The following PRKCB variants were observed in gnomAD, a reference collection of about 807,000 sequenced individuals.
The protein encoded by PRKCB is protein kinase C beta type.
In PRKCB, 13 loss-of-function variants were observed where a neutral mutation model predicts 81.5. The observed-to-expected ratio is 0.16, with a 90% CI of 0.10 to 0.25. The LOEUF (loss-of-function observed/expected upper bound fraction) is 0.25, where lower values mean the gene tolerates loss of function less well. Among genes scored for constraint, PRKCB ranks in the 10% least tolerant of loss-of-function variants. PRKCB has a pLI of 1.00. For synonymous variants in PRKCB, 335 were observed against 321.4 expected (o/e 1.04, Z -0.45); for missense variants, 509 against 875.7 (o/e 0.58, Z 5.29).
At chr16:24,006,784 TG>T in intron 3 of PRKCB, among the ~76,000 whole-genome samples, 1 of 131,620 alleles carries the variant, frequency 7.6e-6, no homozygotes, top group East Asian at 2.1e-4. Flanking sequence ...CTAAACGCTG[TG>T]GGGGTAGGAT....
At chr16:23,980,398 C>A (rs1964680297) in intron 2 of PRKCB, among the ~76,000 whole-genome samples, 1 of 152,146 alleles carries the variant, frequency 6.6e-6, no homozygotes, top group African/African-American at 2.4e-5. Flanking sequence ...AGCTGTAGAG[C>A]AAAATCTGCA....
intron 10 of PRKCB, among the ~76,000 whole-genome samples, chr16:24,170,353 A>C (rs1016097531): frequency 2.0e-5 from 3 of 152,114 alleles, no homozygotes; most frequent in Admixed American, 2.0e-4. Flanking sequence ...AGAAAAGAAA[A>C]AAGCCCACAG....
chr16:23,881,996 T>TTCTTTC lies in PRKCB; in HGVS notation c.205+44592_205+44597dup, dbSNP rs1555481634. ...TTTCTTTCTTTCTTTCTTTCTTTCTTTCTTTCTTTCTTTCTTTCTTTCTTT... is the reference window on the plus strand; with the variant it reads ...TTTCTTTCTTTCTTTCTTTCTTTCTTTCTTTCTCTTTCTTTCTTTCTTTCTTTCTTT... On this transcript the variant is annotated intron_variant, in intron 2 of 16. Transcript: ENST00000643927. Among the ~76,000 whole-genome samples the TTCTTTC allele has an allele frequency of 6.3e-5, 4 of 63,024 alleles. 1 individual carries two copies. Among genetic ancestry groups the TTCTTTC allele is most frequent in the African/African-American group, 2.3e-4 (4 of 17,078 alleles). 41.3% of individuals were successfully genotyped at this position (63,024 alleles called of 152,430 possible).
intron 2 of PRKCB, among the ~76,000 whole-genome samples, chr16:23,919,213 A>G (rs1312247737): frequency 6.6e-6 from 1 of 152,236 alleles, no homozygotes; most frequent in African/African-American, 2.4e-5. Flanking sequence ...ATCCAGCAGT[A>G]GAGAAAATTT....
At chr16:23,985,240 C>T (rs1294451784) in intron 2 of PRKCB, among the ~76,000 whole-genome samples, 1 of 152,084 alleles carries the variant, frequency 6.6e-6, no homozygotes, top group Non-Finnish European at 1.5e-5. Context: ...ACTACAGGCA[C>T]CTACCACCAC....
intron 3 of PRKCB, among the ~76,000 whole-genome samples, chr16:24,021,267 T>C (rs920324842): frequency 4.0e-5 from 5 of 124,032 alleles, no homozygotes; most frequent in Non-Finnish European, 8.4e-5. Context: ...TCTTCCTTTC[T>C]TTTTCTTTCT....
chr16:23,976,925 C>T (rs1384266660), intron 2 of PRKCB, among the ~76,000 whole-genome samples: 1 of 152,140 alleles, frequency 6.6e-6, no homozygotes, highest in Non-Finnish European at 1.5e-5. Context: ...ACTTCTCAGG[C>T]CTGTTCTTTT....
rs566095688 is a variant in PRKCB, at chr16:24,160,362, A to T, written c.1239+5505A>T. On this transcript the variant is annotated intron_variant, in intron 10 of 16. Transcript: ENST00000643927. ...CATGACTAAAATGAGCAGGAAGGTG[A>T]CACCTCTTTCTGGGGATGTCCTTGA... Among the ~76,000 whole-genome samples, 3 of 152,246 alleles carry T rather than the reference A, an allele frequency of 2.0e-5. No homozygotes were observed. In the South Asian group the frequency reaches 6.2e-4, roughly 32 times the overall value.
intron 16 of PRKCB, among the ~76,000 whole-genome samples, chr16:24,205,638 C>T (rs1968035614): frequency 6.6e-6 from 1 of 152,120 alleles, no homozygotes; most frequent in Admixed American, 6.6e-5. Context: ...GTAAAGCTTG[C>T]AAAACACTTA....
At chr16:23,990,497 T>C (rs1422883505) in intron 3 of PRKCB, among the ~76,000 whole-genome samples, 6 of 144,622 alleles carry the variant, frequency 4.1e-5, no homozygotes, top group African/African-American at 1.5e-4. Context: ...TTTTTTTTTC[T>C]TTTTTTTTTT....
intron 2 of PRKCB, among the ~76,000 whole-genome samples, chr16:23,874,463 A>C (rs1047674769): frequency 2.6e-5 from 4 of 152,222 alleles, no homozygotes; most frequent in African/African-American, 9.7e-5. Context: ...CCTGTAAATG[A>C]AACCTTAAGA....
chr16:24,216,961 G>A lies in PRKCB; in HGVS notation c.*2145G>A. ...AGGCCCACCAACAGGCCCTTATCTGGTGGTTGGATCATGATCCCATTTTGC... is the reference window on the plus strand; with the variant it reads ...AGGCCCACCAACAGGCCCTTATCTGATGGTTGGATCATGATCCCATTTTGC... On this transcript the variant is annotated 3_prime_UTR_variant, in exon 17 of 17. Coordinates refer to ENST00000643927, the MANE Select transcript of PRKCB (RefSeq NM_002738.7). 1 of 985,428 alleles carries A rather than the reference G, an allele frequency of 1.0e-6. No homozygotes were observed. Among genetic ancestry groups the A allele is most frequent in the Non-Finnish European group, 1.2e-6 (1 of 829,944 alleles). The allele number at this position is 985,428 out of a possible 1,614,324, so 61.0% of individuals were successfully genotyped here.
At chr16:24,168,203 A>C (rs1449684963) in intron 10 of PRKCB, among the ~76,000 whole-genome samples, 1 of 152,212 alleles carries the variant, frequency 6.6e-6, no homozygotes, top group Non-Finnish European at 1.5e-5. Context: ...CAAGTGAAAA[A>C]TGTCCCATCT....
chr16:24,066,350 T>C (rs1378357264), intron 5 of PRKCB, among the ~76,000 whole-genome samples: 3 of 152,230 alleles, frequency 2.0e-5, no homozygotes, highest in Admixed American at 2.0e-4. Context: ...ATAATCTGTT[T>C]TTCAGCTCAC....
At chr16:24,169,862 C>A (rs1050470692) in intron 10 of PRKCB, among the ~76,000 whole-genome samples, 25 of 152,058 alleles carry the variant, frequency 1.6e-4, no homozygotes, top group Non-Finnish European at 2.5e-4. Flanking sequence ...CTGCAACCTC[C>A]ACCTCCCAGG....
rs151319672 is a variant in PRKCB at position 24,057,306 on chromosome 16, A to G, written c.529+21759A>G. On this transcript the variant is annotated intron_variant, in intron 5 of 16. Coordinates refer to ENST00000643927, the MANE Select transcript of PRKCB (RefSeq NM_002738.7). ...CTATTTCAGCTTTACAGAAGGGAAA[A>G]ATGCAGCTCAGAGAGGTGAATTCAC... is the stretch of plus-strand genomic sequence containing the variant. Among the ~76,000 whole-genome samples, 625 of 152,250 alleles carry G rather than the reference A, an allele frequency of 4.1e-3. 1 individual carries two copies. The highest frequency in any genetic ancestry group is 0.014 in the African/African-American group (580 of 41,540).
intron 9 of PRKCB, among the ~76,000 whole-genome samples, chr16:24,129,124 T>C (rs1474374797): frequency 2.6e-5 from 4 of 152,258 alleles, no homozygotes; most frequent in Non-Finnish European, 5.9e-5. Context: ...ATTTAATGAA[T>C]GCTAATACTG....
chr16:23,882,601 A>G (rs1963141555), intron 2 of PRKCB, among the ~76,000 whole-genome samples: 1 of 152,188 alleles, frequency 6.6e-6, no homozygotes, highest in Non-Finnish European at 1.5e-5. Flanking sequence ...CATATGTCAG[A>G]ATTTTCTTCC....
chr16:24,041,898 C>T (rs1337319676), intron 5 of PRKCB, among the ~76,000 whole-genome samples: 1 of 150,838 alleles, frequency 6.6e-6, no homozygotes, highest in Non-Finnish European at 1.5e-5. Context: ...ACAGGAGAAT[C>T]GCTTGGACCC....
Sources: gnomAD v4.1 joint callset for allele counts (sites outside exome capture counted in the v4.1 genomes callset) on GRCh38, gnomAD v4.1.1 for gene constraint, MANE v1.5 for transcripts, NCBI Gene and HGNC (gene_info 2026-07-23, HGNC 2026-07-21) for gene names.